LINGO2: variants seen among roughly 807,000 people sequenced by gnomAD.
LINGO2 encodes the protein leucine rich repeat and Ig domain containing 2, also known as leucine-rich repeat and immunoglobulin-like domain-containing nogo receptor-interacting protein 2.
Under a neutral mutation model 30.6 loss-of-function variants are expected in LINGO2, and 14 were observed. That is an observed-to-expected ratio of 0.46 (90% confidence interval 0.30 to 0.72). The LOEUF (loss-of-function observed/expected upper bound fraction) is 0.72, where lower values mean the gene tolerates loss of function less well. Among genes scored for constraint, LINGO2 ranks in the 30% least tolerant of loss-of-function variants. The pLI, the probability that LINGO2 is intolerant of heterozygous loss-of-function variation, is 0.07. For synonymous variants in LINGO2, 317 were observed against 288.5 expected, an observed-to-expected ratio of 1.10 and a Z score of -1.00; for missense variants, 729 against 751.7, an observed-to-expected ratio of 0.97 and a Z score of 0.35.
chr9:28,140,271 C>T (rs1827635626), intron 4 of LINGO2, among the ~76,000 whole-genome samples: 1 of 152,152 alleles, frequency 6.6e-6, no homozygotes, highest in Non-Finnish European at 1.5e-5. Flanking sequence ...CATCTTTCCC[C>T]CCAAATTTCC....
chr9:28,867,696 C>T, the LINGO2 span, among the ~76,000 whole-genome samples: 2 of 152,076 alleles, frequency 1.3e-5, no homozygotes, highest in East Asian at 1.9e-4. Context: ...CAACACGTGG[C>T]AGTTGAGGCA....
chr9:28,111,936 T>A (rs913005155), intron 4 of LINGO2, among the ~76,000 whole-genome samples: 46 of 150,762 alleles, frequency 3.1e-4, no homozygotes, highest in African/African-American at 1.0e-3. Flanking sequence ...TACTCTAAGT[T>A]TTAGGGTACA....
At position 28,615,818 on chromosome 9, in the gene LINGO2, T is replaced by A. The variant is rs1051505316; in HGVS notation, c.-365+54382A>T. ...AAAACCATTGTGTACAGCATTTTAA[T>A]CAATGGCTTAAGATGAAAATAGAAA... On this transcript the variant is annotated intron_variant, in intron 1 of 5. Coordinates refer to ENST00000379992, the Ensembl canonical transcript of LINGO2. 5.3e-5 allele frequency among the ~76,000 whole-genome samples: 8 copies of A among 152,258 alleles called. No homozygotes were observed. The East Asian group carries it at 7.7e-4, about 15-fold the overall frequency.
the LINGO2 span, among the ~76,000 whole-genome samples, chr9:29,103,181 C>A: frequency 6.6e-6 from 1 of 152,162 alleles, no homozygotes; most frequent in Non-Finnish European, 1.5e-5. Context: ...TCACCTCAAG[C>A]AAGAGTTATG....
At chr9:28,757,213 T>C in the LINGO2 span, among the ~76,000 whole-genome samples, 145 of 152,206 alleles carry the variant, frequency 9.5e-4, no homozygotes, top group African/African-American at 3.3e-3. Context: ...CAAACTGAAA[T>C]TGAACTTGGC....
At chr9:29,077,309 T>C in the LINGO2 span, among the ~76,000 whole-genome samples, 5 of 152,038 alleles carry the variant, frequency 3.3e-5, no homozygotes, top group African/African-American at 1.2e-4. Context: ...GAAACAAATA[T>C]GATCTAGAGT....
chr9:28,446,529 T>C (rs10757743), intron 2 of LINGO2, among the ~76,000 whole-genome samples: 113,291 of 152,166 alleles, frequency 0.74, 42,338 homozygotes, highest in East Asian at 0.83. Flanking sequence ...CTTTTTGCTC[T>C]TCACCACATT....
At chr9:29,199,830 T>C in the LINGO2 span, among the ~76,000 whole-genome samples, 2 of 151,362 alleles carry the variant, frequency 1.3e-5, no homozygotes, top group Non-Finnish European at 2.9e-5. Context: ...GAATGAAAAA[T>C]AGTGAAAGCA....
intron 2 of LINGO2, among the ~76,000 whole-genome samples, chr9:28,435,987 C>G (rs1049945053): frequency 6.6e-6 from 1 of 152,122 alleles, no homozygotes; most frequent in Non-Finnish European, 1.5e-5. Context: ...TTCAGTGTTT[C>G]TATTTGTGTC....
intron 1 of LINGO2, among the ~76,000 whole-genome samples, chr9:28,640,583 C>T (rs1321282883): frequency 2.0e-5 from 3 of 150,900 alleles, no homozygotes; most frequent in Admixed American, 6.6e-5. Flanking sequence ...ATTTGATCTT[C>T]CATCATTGAT....
chr9:27,971,265 TTTC>T (rs1820339665), intron 5 of LINGO2, among the ~76,000 whole-genome samples: 1 of 152,074 alleles, frequency 6.6e-6, no homozygotes, highest in East Asian at 1.9e-4. Context: ...CTTCTGTTTT[TTTC>T]TTATTATGCC....
chr9:28,553,072 T>C (rs1465284823), intron 1 of LINGO2, among the ~76,000 whole-genome samples: 1 of 151,902 alleles, frequency 6.6e-6, no homozygotes, highest in Admixed American at 6.6e-5. Flanking sequence ...CTTGGGATTC[T>C]GCTATAAAAG....
At chr9:28,180,188 T>A (rs1828872437) in intron 4 of LINGO2, among the ~76,000 whole-genome samples, 1 of 152,144 alleles carries the variant, frequency 6.6e-6, no homozygotes, top group Non-Finnish European at 1.5e-5. Flanking sequence ...CTGCTTTATC[T>A]GTCACCACTG....
At chr9:28,357,185 G>A (rs550992952) in intron 3 of LINGO2, among the ~76,000 whole-genome samples, 3 of 151,828 alleles carry the variant, frequency 2.0e-5, no homozygotes, top group Non-Finnish European at 4.4e-5. Context: ...TGGTTCTTTC[G>A]GGTTTGCAAA....
At chr9:28,794,966 G>T in the LINGO2 span, among the ~76,000 whole-genome samples, 2 of 151,924 alleles carry the variant, frequency 1.3e-5, no homozygotes, top group Non-Finnish European at 2.9e-5. Context: ...GAGTAGCTGG[G>T]ATTACAGGTG....
At chr9:27,995,965 A>G (rs2798791) in intron 5 of LINGO2, among the ~76,000 whole-genome samples, 5,704 of 150,100 alleles carry the variant, frequency 0.038, 343 homozygotes, top group African/African-American at 0.14. Flanking sequence ...AAAACTTAAA[A>G]ACTTAAAAAC....
At chr9:28,959,383 C>T in the LINGO2 span, among the ~76,000 whole-genome samples, 1 of 151,056 alleles carries the variant, frequency 6.6e-6, no homozygotes, top group Admixed American at 6.6e-5. Flanking sequence ...GAGGTGAGGT[C>T]TAGATACATT....
intron 4 of LINGO2, among the ~76,000 whole-genome samples, chr9:28,202,864 G>A (rs1382765251): frequency 1.3e-5 from 2 of 152,140 alleles, no homozygotes; most frequent in African/African-American, 2.4e-5. Context: ...CAGTAAACAA[G>A]TAGGGGATGG....
At chr9:28,589,143 T>A (rs57848687) in intron 1 of LINGO2, among the ~76,000 whole-genome samples, 27,591 of 151,752 alleles carry the variant, frequency 0.18, 2,802 homozygotes, top group Admixed American at 0.29. Context: ...TATTGATGGG[T>A]TGTATCTCAA....
Sources: gnomAD v4.1 joint callset for allele counts (sites outside exome capture counted in the v4.1 genomes callset) on GRCh38, gnomAD v4.1.1 for gene constraint, MANE v1.5 for transcripts, NCBI Gene and HGNC (gene_info 2026-07-23, HGNC 2026-07-21) for gene names.